BRWD3: variants seen among roughly 807,000 people sequenced by gnomAD.
The protein encoded by BRWD3 is bromodomain and WD repeat domain containing 3.
In BRWD3, 10 loss-of-function variants were observed where a neutral mutation model predicts 149.7. The ratio of observed to expected loss-of-function variants is 0.07; its 90% CI spans 0.04 to 0.11. The LOEUF (loss-of-function observed/expected upper bound fraction) is 0.11. Among genes scored for constraint, BRWD3 ranks in the 10% least tolerant of loss-of-function variants. BRWD3 has a pLI of 1.00. For synonymous variants in BRWD3, 504 were observed against 456.7 expected, an observed-to-expected ratio of 1.10 and a Z score of -1.32; for missense variants, 940 against 1,373.2, an observed-to-expected ratio of 0.68 and a Z score of 4.99.
intron 34 of BRWD3, 91 bp from the exon 35 acceptor site, chrX:80,687,094 ATG>A (rs1295467601): frequency 7.5e-6 from 4 of 535,531 alleles, no homozygotes; most frequent in Admixed American, 4.0e-5. Context: ...ACCTATCTGT[ATG>A]TGTGTATATA....
intron 37 of BRWD3, among the ~76,000 whole-genome samples, chrX:80,683,633 A>G (rs895661696): frequency 1.8e-5 from 2 of 111,971 alleles, no homozygotes; most frequent in Non-Finnish European, 3.8e-5. Flanking sequence ...ATAAATAAGC[A>G]GTTACAACTT....
chrX:80,712,742 G>A (rs1293259645), intron 20 of BRWD3, among the ~76,000 whole-genome samples: 1 of 108,795 alleles, frequency 9.2e-6, no homozygotes. Flanking sequence ...TGAGATGTGG[G>A]GAGCGCCTCT....
intron 6 of BRWD3, among the ~76,000 whole-genome samples, chrX:80,765,804 C>A (rs1202535162): frequency 9.0e-6 from 1 of 111,690 alleles, no homozygotes; most frequent in Non-Finnish European, 1.9e-5. Context: ...TCTTTTCTCT[C>A]CTGGGGAAGA....
intron 6 of BRWD3, among the ~76,000 whole-genome samples, chrX:80,755,750 G>A (rs893622345): frequency 1.3e-4 from 14 of 111,485 alleles, no homozygotes; most frequent in African/African-American, 4.2e-4. Context: ...TCAAGGGAAT[G>A]GTTACGTATT....
intron 33 of BRWD3, among the ~76,000 whole-genome samples, chrX:80,688,607 G>C (rs1487305730): frequency 9.0e-6 from 1 of 110,820 alleles, no homozygotes; most frequent in Non-Finnish European, 1.9e-5. Context: ...GAAGAGTCAA[G>C]ACCCAAGCAC....
At chrX:80,735,248 GC>G in intron 9 of BRWD3, 51 bp from the exon 10 acceptor site, 1 of 1,000,882 alleles carries the variant, frequency 1.0e-6, no homozygotes. Context: ...TGGCTAATGG[GC>G]CAGAATGTTA....
intron 25 of BRWD3, among the ~76,000 whole-genome samples, chrX:80,699,691 C>T (rs770560510): frequency 4.5e-5 from 5 of 111,739 alleles, no homozygotes; most frequent in South Asian, 3.7e-4. Flanking sequence ...TTGCTGATTA[C>T]GGAAAATATC....
At chrX:80,764,392 G>A (rs996895760) in intron 6 of BRWD3, among the ~76,000 whole-genome samples, 1 of 111,332 alleles carries the variant, frequency 9.0e-6, no homozygotes, top group South Asian at 3.7e-4. Flanking sequence ...TGCAAGCTCC[G>A]CCACCTGGGT....
At chrX:80,728,980 C>A in intron 13 of BRWD3, 75 bp from the exon 14 acceptor site, 1 of 903,539 alleles carries the variant, frequency 1.1e-6, no homozygotes, top group East Asian at 3.1e-5. Context: ...CAAATTATGA[C>A]AAAATTTCTC....
intron 5 of BRWD3, among the ~76,000 whole-genome samples, chrX:80,793,005 T>C (rs775546123): frequency 5.6e-5 from 6 of 107,405 alleles, no homozygotes; most frequent in Admixed American, 1.0e-4. Context: ...GTACTAAAAA[T>C]ACAAAAATTA....
rs1292332700 is a variant in BRWD3 at position 80,722,581 on chromosome X, C to T, written c.1857G>A (p.Gln619=). 1 of 1,210,163 alleles carries T rather than the reference C, an allele frequency of 8.3e-7. No individual in the cohort carries two copies. Among genetic ancestry groups the T allele is most frequent in the Non-Finnish European group, 1.1e-6 (1 of 894,102 alleles). Residue 619 remains glutamine (Q), a synonymous_variant, in exon 17 of 41, where the codon CAG becomes CAA. Coordinates refer to ENST00000373275, the MANE Select transcript of BRWD3 (RefSeq NM_153252.5). Reference sequence around the variant, plus strand: ...ACATACCATTAGCCACATATCCCAGCTGTGGTATAAGCTGTTCATCTTTAC... The same window carrying T: ...ACATACCATTAGCCACATATCCCAGTTGTGGTATAAGCTGTTCATCTTTAC... ...ENCKDEQLIP[Q]LGYVANGDGE...
At chrX:80,752,002 T>TATG (rs2073675288) in intron 6 of BRWD3, among the ~76,000 whole-genome samples, 1 of 102,762 alleles carries the variant, frequency 9.7e-6, no homozygotes, top group South Asian at 4.4e-4. Context: ...TTATTATTAT[T>TATG]ATTATTATTA....
chrX:80,718,784 G>T (rs917788755), intron 18 of BRWD3, among the ~76,000 whole-genome samples: 5 of 111,304 alleles, frequency 4.5e-5, no homozygotes, highest in African/African-American at 9.7e-5. Flanking sequence ...TATATGAAAA[G>T]AAATAAATCT....
Position 80,717,763 on chromosome X carries a change from A to C in BRWD3, c.2045-4T>G. The C allele has an allele frequency of 8.3e-7, 1 of 1,208,479 alleles. No homozygotes were observed. The highest frequency in any genetic ancestry group is 3.0e-5 in the East Asian group (1 of 33,813). ...TCCATGTTTGGACTTCTCAGAGCTA[A>C]AACAAAAACAAGGAAAATTATCACT... On this transcript the variant is annotated splice_polypyrimidine_tract_variant and splice_region_variant and intron_variant, in intron 18 of 40. Coordinates refer to ENST00000373275, the MANE Select transcript of BRWD3 (RefSeq NM_153252.5).
rs781378262 is a variant in BRWD3 at position 80,725,958 on chromosome X, C to G, written c.1387-891G>C. Among the ~76,000 whole-genome samples, 282 of 108,781 alleles carry G rather than the reference C, an allele frequency of 2.6e-3. 4 individuals are homozygous for G. Among genetic ancestry groups the G allele is most frequent in the African/African-American group, 9.2e-3 (277 of 29,949 alleles). The allele number at this position is 108,781 out of a possible 115,157, so 94.5% of individuals were successfully genotyped here. On this transcript the variant is annotated intron_variant, in intron 14 of 40. Coordinates refer to ENST00000373275, the MANE Select transcript of BRWD3 (RefSeq NM_153252.5). Reference sequence around the variant, plus strand: ...GTTTACATGTTACATGTCTATATAACACATAACATGTTTACATGTTATATG... The same window carrying G: ...GTTTACATGTTACATGTCTATATAAGACATAACATGTTTACATGTTATATG...
Position 80,685,480 on chromosome X carries a change from T to G in BRWD3, c.4062A>C (p.Gln1354His), listed in dbSNP as rs752951345. 3.3e-6 allele frequency: 4 copies of G among 1,206,665 alleles called. No individual in the cohort carries two copies. The African/African-American group carries it at 5.3e-5, about 16-fold the overall frequency. Residue 1354 changes from glutamine to histidine, a missense_variant, in exon 36 of 41, where the codon CAA becomes CAC. Coordinates refer to ENST00000373275, the MANE Select transcript of BRWD3 (RefSeq NM_153252.5). ...GGCCTACCTCAGAAAGAGATGAATC[T>G]TGTTGTCTTTCTGGAACAACAGACT... ...SSESVVPERQ[Q>H]DSSLSEDYQD...
intron 6 of BRWD3, among the ~76,000 whole-genome samples, chrX:80,778,868 G>A (rs1003711326): frequency 3.6e-5 from 4 of 111,191 alleles, no homozygotes; most frequent in African/African-American, 1.3e-4. Flanking sequence ...GCGTGGTGGT[G>A]CACACCTGTA....
At chrX:80,725,670 TATATAAC>T (rs1342854125) in intron 14 of BRWD3, among the ~76,000 whole-genome samples, 2 of 112,055 alleles carry the variant, frequency 1.8e-5, no homozygotes, top group African/African-American at 6.4e-5. Flanking sequence ...GTTACATGCC[TATATAAC>T]ATATAACATG....
chrX:80,795,799 G>A (rs2074232612), intron 4 of BRWD3, among the ~76,000 whole-genome samples: 2 of 110,276 alleles, frequency 1.8e-5, no homozygotes, highest in Admixed American at 9.7e-5. Flanking sequence ...CAGGCATGGT[G>A]GCACGCCTGT....
Sources: allele counts gnomAD v4.1 joint callset (sites outside exome capture counted in the v4.1 genomes callset), GRCh38; gene constraint gnomAD v4.1.1; transcripts MANE v1.5; gene names NCBI Gene and HGNC (gene_info 2026-07-23, HGNC 2026-07-21).